The following VPS54 variants were observed in gnomAD, a reference collection of about 807,000 sequenced individuals.
VPS54 encodes vacuolar protein sorting-associated protein 54.
In VPS54, 45 loss-of-function variants were observed where a neutral mutation model predicts 121.5. The observed-to-expected ratio is 0.37, with a 90% CI of 0.29 to 0.47. VPS54 has a LOEUF of 0.47. VPS54 is among the 20% of genes least tolerant of loss of function. The pLI, the probability that VPS54 is intolerant of heterozygous loss-of-function variation, is 0.99. For missense variants in VPS54, 1,090 were observed against 1,131.4 expected, an observed-to-expected ratio of 0.96 and a Z score of 0.52; for synonymous variants, 371 against 385.8, an observed-to-expected ratio of 0.96 and a Z score of 0.45.
chr2:64,013,787 A>G (rs1445298930), intron 1 of VPS54, among the ~76,000 whole-genome samples: 1 of 151,034 alleles, frequency 6.6e-6, no homozygotes, highest in Non-Finnish European at 1.5e-5. Context: ...ATTGTCTGCA[A>G]CTATTCCACC....
chr2:63,967,229 G>A (rs946819159), intron 5 of VPS54, among the ~76,000 whole-genome samples: 2 of 151,762 alleles, frequency 1.3e-5, no homozygotes, highest in African/African-American at 4.8e-5. Context: ...GAATGAATAT[G>A]GTAGGAAAAA....
chr2:63,917,162 T>C (rs1673425625), intron 15 of VPS54, among the ~76,000 whole-genome samples, 199 bp from the exon 16 acceptor site: 1 of 152,120 alleles, frequency 6.6e-6, no homozygotes, highest in African/African-American at 2.4e-5. Flanking sequence ...GTACCAGTAC[T>C]ACCAATTACT....
chr2:64,016,391 G>T (rs889854639), intron 1 of VPS54, among the ~76,000 whole-genome samples: 1 of 152,092 alleles, frequency 6.6e-6, no homozygotes, highest in Admixed American at 6.5e-5. Flanking sequence ...AGCTTTTCAA[G>T]AAGCTATGAG....
chr2:64,006,418 ACAAT>A (rs766629287), intron 1 of VPS54, among the ~76,000 whole-genome samples: 5 of 152,226 alleles, frequency 3.3e-5, no homozygotes, highest in Non-Finnish European at 7.3e-5. Context: ...TATTGGCCAT[ACAAT>A]CAGTTAGATC....
At chr2:63,964,137 A>G (rs1465248692) in intron 6 of VPS54, among the ~76,000 whole-genome samples, 3 of 152,216 alleles carry the variant, frequency 2.0e-5, no homozygotes, top group Non-Finnish European at 4.4e-5. Flanking sequence ...CCATCATAAA[A>G]GGAGTTTCAA....
At chr2:63,924,826 A>AGTC (rs1324393255) in intron 12 of VPS54, among the ~76,000 whole-genome samples, 2 of 152,212 alleles carry the variant, frequency 1.3e-5, no homozygotes, top group Non-Finnish European at 2.9e-5. Flanking sequence ...TAGGAAAGAC[A>AGTC]GCCTTTTCAA....
chr2:63,896,148 G>A (rs982465753), intron 22 of VPS54, among the ~76,000 whole-genome samples: 5 of 152,150 alleles, frequency 3.3e-5, no homozygotes, highest in African/African-American at 7.2e-5. Context: ...TATACACAGC[G>A]TCACCACATG....
intron 3 of VPS54, among the ~76,000 whole-genome samples, chr2:63,976,061 TG>T (rs1422042189): frequency 1.3e-5 from 2 of 152,200 alleles, no homozygotes; most frequent in East Asian, 3.8e-4. Flanking sequence ...AATTTCTTCC[TG>T]TTCCTAGTTT....
chr2:63,958,497 C>T (rs1675601905), intron 7 of VPS54, among the ~76,000 whole-genome samples: 1 of 152,028 alleles, frequency 6.6e-6, no homozygotes, highest in African/African-American at 2.4e-5. Flanking sequence ...TATGAAAGTT[C>T]CCTTTAAAAG....
chr2:63,978,874 C>T (rs1313609800), intron 3 of VPS54, among the ~76,000 whole-genome samples: 2 of 152,176 alleles, frequency 1.3e-5, no homozygotes, highest in Non-Finnish European at 2.9e-5. Context: ...CCCACCATGG[C>T]CTCCCAAAGT....
intron 15 of VPS54, 31 bp from the exon 16 acceptor site, chr2:63,916,994 A>C: frequency 6.2e-7 from 1 of 1,609,338 alleles, no homozygotes; most frequent in East Asian, 2.2e-5. Flanking sequence ...ACGAGAGACA[A>C]GAGTACCAGA....
chr2:63,988,267 GAT>G (rs1677147894), intron 1 of VPS54, among the ~76,000 whole-genome samples: 1 of 152,124 alleles, frequency 6.6e-6, no homozygotes, highest in Admixed American at 6.6e-5. Flanking sequence ...AGAATCAATT[GAT>G]ATGTTTTTTC....
chr2:63,904,542 C>T lies in VPS54; in HGVS notation c.2626-4961G>A, dbSNP rs537394022. On this transcript the variant is annotated intron_variant, in intron 20 of 22. Coordinates refer to ENST00000272322, the MANE Select transcript of VPS54 (RefSeq NM_016516.3). ...TATCCAGCAATAGAACTTCAAGATA[C>T]ATATAACAAAAACTTGCAAAGATCT... is the stretch of plus-strand genomic sequence containing the variant. Among the ~76,000 whole-genome samples the T allele has an allele frequency of 1.7e-3, 241 of 145,934 alleles. 2 individuals carry two copies. Among genetic ancestry groups the T allele is most frequent in the African/African-American group, 5.7e-3 (228 of 39,682 alleles).
At chr2:63,958,604 A>G (rs553386462) in intron 7 of VPS54, among the ~76,000 whole-genome samples, 2 of 152,272 alleles carry the variant, frequency 1.3e-5, no homozygotes, top group Admixed American at 1.3e-4. Flanking sequence ...AGTCTTAGCT[A>G]CCCAGGAGGC....
intron 1 of VPS54, among the ~76,000 whole-genome samples, chr2:64,004,676 A>T (rs1678042135): frequency 6.6e-6 from 1 of 152,242 alleles, no homozygotes; most frequent in Non-Finnish European, 1.5e-5. Context: ...AAGTTTATGG[A>T]TACCTTCTTA....
chr2:63,971,908 C>G lies in VPS54; in HGVS notation c.457+258G>C, dbSNP rs548755075. Among the ~76,000 whole-genome samples, 14 of 152,204 alleles carry G rather than the reference C, an allele frequency of 9.2e-5. 2 individuals carry two copies. The South Asian group carries it at 2.7e-3, about 29-fold the overall frequency. ...CACATGTGCCATCATGTCTAGCTTACTCATCTATTTTTAAGCAACAAGGAA... is the reference window on the plus strand; with the variant it reads ...CACATGTGCCATCATGTCTAGCTTAGTCATCTATTTTTAAGCAACAAGGAA... On this transcript the variant is annotated intron_variant, in intron 4 of 22. Coordinates refer to ENST00000272322, the MANE Select transcript of VPS54 (RefSeq NM_016516.3).
At chr2:63,920,715 T>C (rs1673604221) in intron 13 of VPS54, 88 bp from the exon 14 acceptor site, 4 of 714,784 alleles carry the variant, frequency 5.6e-6, no homozygotes, top group Non-Finnish European at 7.7e-6. Context: ...TTATAATCTA[T>C]ATATTTTTTA....
At chr2:63,960,967 C>A (rs1238937406) in intron 7 of VPS54, among the ~76,000 whole-genome samples, 1 of 152,136 alleles carries the variant, frequency 6.6e-6, no homozygotes, top group Non-Finnish European at 1.5e-5. Flanking sequence ...TGACTCAGAA[C>A]GTTTTCTTAA....
intron 7 of VPS54, among the ~76,000 whole-genome samples, chr2:63,955,402 A>G (rs1357423755): frequency 6.6e-6 from 1 of 152,050 alleles, no homozygotes; most frequent in Non-Finnish European, 1.5e-5. Flanking sequence ...TACCTCAAGT[A>G]TAAATAATCT....
Sources: gnomAD v4.1 joint callset for allele counts (sites outside exome capture counted in the v4.1 genomes callset) on GRCh38, gnomAD v4.1.1 for gene constraint, MANE v1.5 for transcripts, NCBI Gene and HGNC (gene_info 2026-07-23, HGNC 2026-07-21) for gene names.